Variants in NPLOC4 observed in about 807,000 individuals in gnomAD.
NPLOC4 encodes the protein nuclear protein localization protein 4 homolog.
A neutral mutation model predicts 80.6 loss-of-function variants in NPLOC4; 18 were observed. The ratio of observed to expected loss-of-function variants is 0.22; its 90% CI spans 0.15 to 0.33. The LOEUF is 0.33. Among genes scored for constraint, NPLOC4 ranks in the 10% least tolerant of loss-of-function variants. The pLI, the probability that NPLOC4 is intolerant of heterozygous loss-of-function variation, is 1.00. For synonymous variants in NPLOC4, 313 were observed against 301.5 expected (o/e 1.04, Z -0.39); for missense variants, 540 against 786.1 (o/e 0.69, Z 3.74).
intron 12 of NPLOC4, among the ~76,000 whole-genome samples, chr17:81,582,987 C>A (rs2034485458): frequency 6.6e-6 from 1 of 152,282 alleles, no homozygotes; most frequent in African/African-American, 2.4e-5. Flanking sequence ...TGCGGCGCCG[C>A]CCCTGCGCAC....
At chr17:81,601,909 A>G (rs1159630877) in intron 8 of NPLOC4, among the ~76,000 whole-genome samples, 1 of 152,200 alleles carries the variant, frequency 6.6e-6, no homozygotes, top group Non-Finnish European at 1.5e-5. Flanking sequence ...TCTGATCAGC[A>G]AACTCTGAAA....
intron 2 of NPLOC4, among the ~76,000 whole-genome samples, chr17:81,623,348 A>C (rs1258582745): frequency 6.6e-6 from 1 of 151,044 alleles, no homozygotes; most frequent in Non-Finnish European, 1.5e-5. Flanking sequence ...CACACCTGTA[A>C]TCCCAGCTAC....
intron 12 of NPLOC4, among the ~76,000 whole-genome samples, chr17:81,585,252 A>G (rs1386910627): frequency 1.3e-5 from 2 of 151,076 alleles, no homozygotes; most frequent in Non-Finnish European, 3.0e-5. Flanking sequence ...AACAGAGTCC[A>G]GTAACATCCA....
chr17:81,615,100 CTTT>C (rs1555686152), intron 3 of NPLOC4, among the ~76,000 whole-genome samples: 2 of 133,568 alleles, frequency 1.5e-5, no homozygotes, highest in Non-Finnish European at 3.1e-5. Flanking sequence ...ACGTCTGTTT[CTTT>C]TTTTTTTTTT....
chr17:81,582,441 G>A (rs1296194095), intron 12 of NPLOC4, among the ~76,000 whole-genome samples: 3 of 152,144 alleles, frequency 2.0e-5, no homozygotes, highest in African/African-American at 2.4e-5. Context: ...TTGTTCTGTC[G>A]CCCAGGCTGG....
intron 12 of NPLOC4, 89 bp downstream of exon 12, chr17:81,588,855 A>G: frequency 8.7e-7 from 1 of 1,144,024 alleles, no homozygotes; most frequent in Non-Finnish European, 1.3e-6. Flanking sequence ...AACGGCTGCT[A>G]TAGGCAGAAT....
chr17:81,628,677 A>G (rs573432149), intron 2 of NPLOC4, among the ~76,000 whole-genome samples: 1 of 152,334 alleles, frequency 6.6e-6, no homozygotes, highest in East Asian at 1.9e-4. Flanking sequence ...GTCTGGGGGA[A>G]TCCATGGGAA....
chr17:81,604,754 T>C lies in NPLOC4; in HGVS notation c.655-27A>G, dbSNP rs1339625526. 6 of 1,571,974 alleles carry C rather than the reference T, an allele frequency of 3.8e-6. No homozygotes were observed. In the East Asian group the frequency reaches 1.3e-4, roughly 35 times the overall value. On this transcript the variant is annotated intron_variant, in intron 7 of 16. Coordinates refer to ENST00000331134, the MANE Select transcript of NPLOC4 (RefSeq NM_017921.4). ...TGTAGAGTTAACAAGAGTGGGCTGA[T>C]GAAAACATGCCATCAAAAAGAAATC...
chr17:81,559,159 TG>T lies in NPLOC4; in HGVS notation c.*99del, dbSNP rs2033758862. On this transcript the variant is annotated 3_prime_UTR_variant, in exon 17 of 17. Coordinates refer to ENST00000331134, the MANE Select transcript of NPLOC4 (RefSeq NM_017921.4). ...AGCCAGCCCCTTGTTCCTCCAGGGC[TG>T]CCCACTATGGGGCAGTTACAGGGAA... The T allele has an allele frequency of 6.7e-6, 9 of 1,336,126 alleles. No homozygotes were observed. Among genetic ancestry groups the T allele is most frequent in the Non-Finnish European group, 8.0e-6 (8 of 996,644 alleles). The allele number at this position is 1,336,126 out of a possible 1,614,324, so 82.8% of individuals were successfully genotyped here.
Position 81,577,092 on chromosome 17 carries a change from A to G in NPLOC4, c.1282-5004T>C, listed in dbSNP as rs1424784648. On this transcript the variant is annotated intron_variant, in intron 12 of 16. Transcript: ENST00000331134. The surrounding 1 kb of genome is among the most constrained non-coding windows in gnomAD (Gnocchi z 4.3). The stretch of plus-strand genomic sequence containing the variant: ...CAACAAACCCCACGGCCTGCTGAGT[A>G]AGCAATGCCTGGCCACAGCAAGGGG... 6.6e-6 allele frequency among the ~76,000 whole-genome samples: 1 copy of G among 152,168 alleles called. No individual in the cohort carries two copies. The highest frequency in any genetic ancestry group is 2.4e-5 in the African/African-American group (1 of 41,440).
chr17:81,624,043 G>A (rs1027881702), intron 2 of NPLOC4, among the ~76,000 whole-genome samples: 12 of 152,024 alleles, frequency 7.9e-5, no homozygotes, highest in Admixed American at 6.5e-4. Context: ...CCAGCACTTC[G>A]GGAGGCCAAG....
rs372818795 is a variant in NPLOC4 at position 81,577,965 on chromosome 17, C to A, written c.1282-5877G>T. Among the ~76,000 whole-genome samples the A allele has an allele frequency of 1.3e-5, 2 of 152,190 alleles. No individual in the cohort carries two copies. The highest frequency in any genetic ancestry group is 2.4e-5 in the African/African-American group (1 of 41,424). On this transcript the variant is annotated intron_variant, in intron 12 of 16. Transcript: ENST00000331134. This position sits in a 1 kb window ranked among gnomAD's most constrained non-coding sequence, Gnocchi z 4.3. ...GCAGCCCAGGATGGGTCTTCTACAG[C>A]GGGGACCTCCCCTGCCCACCCCATC...
At chr17:81,597,053 C>T (rs1175256062) in intron 10 of NPLOC4, among the ~76,000 whole-genome samples, 192 bp downstream of exon 10, 4 of 152,090 alleles carry the variant, frequency 2.6e-5, no homozygotes, top group South Asian at 2.1e-4. Context: ...GCATTGCTAG[C>T]GGTGAGCAGA....
intron 1 of NPLOC4, among the ~76,000 whole-genome samples, chr17:81,631,623 T>C (rs2035933396): frequency 1.3e-5 from 2 of 151,968 alleles, no homozygotes; most frequent in East Asian, 1.9e-4. Context: ...ACAAGGAGGA[T>C]GACATGGCAT....
rs746128172 is a variant in NPLOC4, at chr17:81,613,383, C to G, written c.321G>C (p.Glu107Asp). The G allele has an allele frequency of 6.2e-7, 1 of 1,614,020 alleles. No individual in the cohort carries two copies. The highest frequency in any genetic ancestry group is 1.1e-5 in the South Asian group (1 of 91,088). ...TGCTGAGGTACTGATCAATCTCATC[C>G]TCCACCACGTTGGGAGCGCCAAAGA... The part of the protein sequence containing the change: ...FKVFGAPNVV[E>D]DEIDQYLSKQ... Residue 107 changes from glutamate (E) to aspartate (D), a missense_variant, in exon 4 of 17, where the codon GAG (glutamate) becomes GAC (aspartate). Glu to Asp is a conservative substitution (Grantham distance 45). Transcript: ENST00000331134.
chr17:81,617,661 GCC>G (rs375129514), intron 3 of NPLOC4, among the ~76,000 whole-genome samples: 1 of 109,532 alleles, frequency 9.1e-6, no homozygotes, highest in African/African-American at 3.7e-5. Context: ...CACAAAAAAT[GCC>G]CCCCCTCCCC....
At chr17:81,628,496 G>C (rs528168543) in intron 2 of NPLOC4, among the ~76,000 whole-genome samples, 1 of 152,012 alleles carries the variant, frequency 6.6e-6, no homozygotes, top group Non-Finnish European at 1.5e-5. Context: ...CTGGGCAACA[G>C]AGTGAGATGC....
intron 12 of NPLOC4, among the ~76,000 whole-genome samples, chr17:81,575,811 A>G (rs2034282234): frequency 6.6e-6 from 1 of 152,250 alleles, no homozygotes; most frequent in Non-Finnish European, 1.5e-5. Context: ...CCGCAAGGGA[A>G]GATGCAAAAT....
intron 3 of NPLOC4, among the ~76,000 whole-genome samples, chr17:81,621,275 C>T (rs1428709287): frequency 6.6e-6 from 1 of 152,164 alleles, no homozygotes. Context: ...AGTAGGTGCC[C>T]AATACATCTT....
Sources: allele counts gnomAD v4.1 joint callset (sites outside exome capture counted in the v4.1 genomes callset), GRCh38; gene constraint gnomAD v4.1.1; non-coding constraint Gnocchi (gnomAD v3.1); transcripts MANE v1.5; gene names NCBI Gene and HGNC (gene_info 2026-07-23, HGNC 2026-07-21).